Variants in SPRY3 observed in about 807,000 individuals in gnomAD.
The protein encoded by SPRY3 is sprouty RTK signaling antagonist 3.
A neutral mutation model predicts 20.2 loss-of-function variants in SPRY3; 15 were observed. That is an observed-to-expected ratio of 0.74 (90% confidence interval 0.50 to 1.14). The LOEUF (loss-of-function observed/expected upper bound fraction) is 1.14, where lower values mean the gene tolerates loss of function less well. SPRY3 is among the 50% of genes most tolerant of loss of function. SPRY3 has a pLI of 0.00. For missense variants in SPRY3, 364 were observed against 363.9 expected (o/e 1.00, Z 0.00); for synonymous variants, 143 against 136.5 (o/e 1.05, Z -0.33).
chrX:155,774,853 T>G, exon 4 of SPRY3: 1 of 1,238,942 alleles, frequency 8.1e-7, no homozygotes, highest in Non-Finnish European at 1.1e-6. Flanking sequence ...AGGGCCTCTC[T>G]TTTGTTCCTG....
At chrX:155,777,565 G>A (rs982565236), downstream of SPRY3, 41 of 85,074 alleles carry the variant, frequency 4.8e-4, no homozygotes, top group Non-Finnish European at 9.4e-4. Flanking sequence ...TCTGCTTTAC[G>A]TATAGATGGG....
intron 2 of SPRY3, among the ~76,000 whole-genome samples, chrX:155,723,614 A>T (rs1162685527): frequency 1.7e-4 from 26 of 152,038 alleles, no homozygotes; most frequent in Non-Finnish European, 2.9e-5. Context: ...TCCTTTGCCC[A>T]CTTTTTGATG....
intron 2 of SPRY3, among the ~76,000 whole-genome samples, chrX:155,739,067 G>T (rs1261630258): frequency 1.1e-4 from 17 of 152,174 alleles, no homozygotes; most frequent in Admixed American, 1.1e-3. Flanking sequence ...GGGGGGAGGG[G>T]CAGATGCCAT....
chrX:155,684,742 C>A (rs1331338757), intron 2 of SPRY3, among the ~76,000 whole-genome samples: 1 of 111,634 alleles, frequency 9.0e-6, no homozygotes, highest in Non-Finnish European at 1.9e-5. Flanking sequence ...TCCAGATTTT[C>A]TTTTGGCATC....
chrX:155,750,958 T>C (rs1474818614), intron 2 of SPRY3, among the ~76,000 whole-genome samples: 1 of 151,820 alleles, frequency 6.6e-6, no homozygotes, highest in African/African-American at 2.4e-5. Context: ...GAAAAGAAGT[T>C]AATGGTATAT....
At chrX:155,655,926 A>G (rs781974574) in intron 1 of SPRY3, among the ~76,000 whole-genome samples, 2 of 112,169 alleles carry the variant, frequency 1.8e-5, no homozygotes, top group African/African-American at 6.5e-5. Flanking sequence ...AATGTTGAAT[A>G]TTGGCCCCCA....
chrX:155,687,988 C>T (rs144574159), intron 2 of SPRY3, among the ~76,000 whole-genome samples: 1 of 110,443 alleles, frequency 9.1e-6, no homozygotes, highest in Non-Finnish European at 1.9e-5. Context: ...ATCCCATCAC[C>T]GAGGTATTAA....
chrX:155,725,928 T>A (rs1227204876), intron 2 of SPRY3, among the ~76,000 whole-genome samples: 1 of 152,238 alleles, frequency 6.6e-6, no homozygotes, highest in Admixed American at 6.5e-5. Flanking sequence ...CAATTTTAGA[T>A]CTTTTCTGCT....
chrX:155,634,662 AT>A (rs1244379525), intron 1 of SPRY3, among the ~76,000 whole-genome samples: 1 of 110,315 alleles, frequency 9.1e-6, no homozygotes, highest in South Asian at 3.8e-4. Flanking sequence ...AAAAATAATT[AT>A]TTTTTACATA....
At chrX:155,768,917 T>A (rs2091364457) in intron 3 of SPRY3, among the ~76,000 whole-genome samples, 1 of 152,230 alleles carries the variant, frequency 6.6e-6, no homozygotes, top group Non-Finnish European at 1.5e-5. Flanking sequence ...GACCTTGAAC[T>A]CTTAAGCAGA....
intron 2 of SPRY3, among the ~76,000 whole-genome samples, chrX:155,697,522 C>CATAT (rs1557356198): frequency 0.018 from 1,821 of 99,248 alleles, 26 homozygotes; most frequent in Non-Finnish European, 0.029. Context: ...CACACACACA[C>CATAT]ATATATATAT....
rs190405328 is a variant in SPRY3, at chrX:155,643,462, G to A, written c.-440-13405G>A. On this transcript the variant is annotated intron_variant, in intron 1 of 3. Coordinates refer to ENST00000675360, the Ensembl canonical transcript of SPRY3. ...AGAGTTTAGTCCATCTACATTTACTGTTATTATTGATAAGTAAGGACTTAC... is the reference window on the plus strand; with the variant it reads ...AGAGTTTAGTCCATCTACATTTACTATTATTATTGATAAGTAAGGACTTAC... Among the ~76,000 whole-genome samples the A allele has an allele frequency of 2.0e-3, 225 of 111,569 alleles. 1 individual carries two copies. Among genetic ancestry groups the A allele is most frequent in the African/African-American group, 7.2e-3 (222 of 30,801 alleles).
intron 2 of SPRY3, among the ~76,000 whole-genome samples, chrX:155,760,055 T>G (rs1273811903): frequency 2.6e-5 from 4 of 152,202 alleles, no homozygotes; most frequent in East Asian, 1.9e-4. Flanking sequence ...TTGTAATCAC[T>G]GGTTTTAATG....
chrX:155,720,601 A>G lies in SPRY3; in HGVS notation c.-281-47361A>G, dbSNP rs1204702399. ...CCCAGCTTCAGGTGGCTCAGAACAC[A>G]GAGAGAGAGAGACTCTATTTGAGAA... On this transcript the variant is annotated intron_variant, in intron 2 of 3. Transcript: ENST00000675360. Among the ~76,000 whole-genome samples the G allele has an allele frequency of 3.9e-5, 6 of 151,946 alleles. No homozygotes were observed. In the South Asian group the frequency reaches 8.3e-4, roughly 21 times the overall value.
intron 2 of SPRY3, among the ~76,000 whole-genome samples, chrX:155,658,997 A>G (rs782130519): frequency 9.0e-6 from 1 of 111,452 alleles, no homozygotes; most frequent in East Asian, 2.8e-4. Context: ...ATTAATTTGC[A>G]TGTGTTGAAC....
chrX:155,622,056 GC>G (rs2067873107), intron 1 of SPRY3, among the ~76,000 whole-genome samples: 1 of 111,585 alleles, frequency 9.0e-6, no homozygotes, highest in Admixed American at 9.5e-5. Flanking sequence ...AGGTCAACAG[GC>G]TTCATGTAGA....
chrX:155,652,213 C>G (rs1393451409), intron 1 of SPRY3, among the ~76,000 whole-genome samples: 1 of 111,804 alleles, frequency 8.9e-6, no homozygotes, highest in Admixed American at 9.5e-5. Flanking sequence ...GGCGGGGACA[C>G]AAATCCAAAC....
rs192364910 is a variant in SPRY3, at chrX:155,715,073, C to T, written c.-281-52889C>T. On this transcript the variant is annotated intron_variant, in intron 2 of 3. Coordinates refer to ENST00000675360, the Ensembl canonical transcript of SPRY3. ...CAGTGTGATTGTTGCTCTACCCTCA[C>T]TGTGGCTGAGCTAGTACCTGGGGTG... 3.8e-3 allele frequency among the ~76,000 whole-genome samples: 572 copies of T among 152,274 alleles called. 3 individuals are homozygous for T. The highest frequency in any genetic ancestry group is 0.013 in the African/African-American group (524 of 41,560).
intron 2 of SPRY3, among the ~76,000 whole-genome samples, chrX:155,685,417 TA>T (rs1204637566): frequency 1.8e-5 from 2 of 110,179 alleles, no homozygotes; most frequent in African/African-American, 6.6e-5. Context: ...TTTTTTTTTT[TA>T]GCTTTTATTT....
Sources: gnomAD v4.1 joint callset for allele counts (sites outside exome capture counted in the v4.1 genomes callset) on GRCh38, gnomAD v4.1.1 for gene constraint, MANE v1.5 for transcripts, NCBI Gene and HGNC (gene_info 2026-07-23, HGNC 2026-07-21) for gene names.